The following OR5D3 variants were observed in gnomAD, a reference collection of about 807,000 sequenced individuals.
OR5D3 encodes olfactory receptor family 5 subfamily D member 3.
chr11:55,726,874 A>T, the OR5D3 span: 1 of 398,912 alleles, frequency 2.5e-6, no homozygotes, highest in East Asian at 3.6e-5. Flanking sequence ...CTATGCTTTC[A>T]TTTTTATCAC....
chr11:55,724,906 G>T, the OR5D3 span, among the ~76,000 whole-genome samples: 3,083 of 152,068 alleles, frequency 0.02, 147 homozygotes, highest in African/African-American at 0.07. Flanking sequence ...CAAGCTTGTG[G>T]GAACTAGAGA....
chr11:55,725,180 C>T, the OR5D3 span, among the ~76,000 whole-genome samples: 1 of 152,022 alleles, frequency 6.6e-6, no homozygotes, highest in Non-Finnish European at 1.5e-5. Flanking sequence ...ATGCTTTATA[C>T]TGTGTTTTAT....
chr11:55,726,411 G>C, the OR5D3 span: 47 of 474,272 alleles, frequency 9.9e-5, no homozygotes, highest in East Asian at 1.4e-3. Flanking sequence ...TCAGCCACTT[G>C]TCCTTTGTTG....
the OR5D3 span, chr11:55,727,360 G>A: frequency 5.9e-5 from 20 of 337,652 alleles, no homozygotes; most frequent in African/African-American, 4.0e-4. Flanking sequence ...CGAGAATATT[G>A]TAATACAAAA....
the OR5D3 span, chr11:55,727,721 T>C: frequency 1.3e-5 from 2 of 152,038 alleles, no homozygotes; most frequent in African/African-American, 4.8e-5. Flanking sequence ...AAGAAGATGG[T>C]AAATATTTTT....
the OR5D3 span, chr11:55,727,100 A>T: frequency 2.5e-6 from 1 of 402,086 alleles, no homozygotes; most frequent in Non-Finnish European, 4.4e-6. Flanking sequence ...AGGAACAAAG[A>T]TGTAAAAGAG....
chr11:55,725,773 T>C, the OR5D3 span, among the ~76,000 whole-genome samples: 1 of 152,070 alleles, frequency 6.6e-6, no homozygotes, highest in Non-Finnish European at 1.5e-5. Context: ...TTTACAGGAA[T>C]GTTAACATTT....
At chr11:55,724,187 G>T in the OR5D3 span, 2 of 385,882 alleles carry the variant, frequency 5.2e-6, no homozygotes, top group Non-Finnish European at 9.2e-6. Flanking sequence ...ACAAGCAGAG[G>T]ACCTATGTTG....
the OR5D3 span, chr11:55,727,344 T>C: frequency 2.7e-6 from 1 of 367,738 alleles, no homozygotes; most frequent in Non-Finnish European, 4.8e-6. Flanking sequence ...AAACTAAATT[T>C]TTGATCGAGA....
the OR5D3 span, chr11:55,723,860 T>C: frequency 2.7e-6 from 1 of 373,184 alleles, no homozygotes; most frequent in African/African-American, 2.1e-5. Flanking sequence ...ATCTCTGCTA[T>C]CTATGAGTTT....
At chr11:55,727,075 T>G in the OR5D3 span, 1 of 404,446 alleles carries the variant, frequency 2.5e-6, no homozygotes. Context: ...GCTGAACCCC[T>G]TGATCTATAG....
chr11:55,727,340 A>C, the OR5D3 span: 1 of 370,228 alleles, frequency 2.7e-6, no homozygotes, highest in Non-Finnish European at 4.8e-6. Flanking sequence ...ATTTAAACTA[A>C]ATTTTTGATC....
chr11:55,726,353 T>A, the OR5D3 span: 1 of 466,084 alleles, frequency 2.1e-6, no homozygotes, highest in Non-Finnish European at 3.9e-6. Flanking sequence ...GGCATGATCA[T>A]GGTCATCAGG....
At chr11:55,727,776 T>C in the OR5D3 span, 2 of 152,060 alleles carry the variant, frequency 1.3e-5, no homozygotes, top group Non-Finnish European at 2.9e-5. Context: ...GATGCCAATA[T>C]GATTGTGCAT....
chr11:55,724,067 AG>A, the OR5D3 span: 1 of 394,794 alleles, frequency 2.5e-6, no homozygotes, highest in South Asian at 1.3e-4. Context: ...GAGTTGATTT[AG>A]TTTTTTTAAA....
the OR5D3 span, chr11:55,724,187 G>A: frequency 9.3e-5 from 36 of 385,882 alleles, 1 homozygote; most frequent in African/African-American, 6.9e-4. Context: ...ACAAGCAGAG[G>A]ACCTATGTTG....
chr11:55,727,172 A>G, the OR5D3 span: 15 of 398,396 alleles, frequency 3.8e-5, no homozygotes, highest in Middle Eastern at 6.2e-4. Flanking sequence ...TAGAAATATT[A>G]ATTATTTATC....
the OR5D3 span, chr11:55,728,750 T>C: frequency 6.7e-6 from 1 of 148,540 alleles, no homozygotes; most frequent in Non-Finnish European, 1.5e-5. Flanking sequence ...ACTTACTGTT[T>C]AGGAATATAC....
the OR5D3 span, among the ~76,000 whole-genome samples, chr11:55,725,133 G>A: frequency 1.3e-5 from 2 of 151,922 alleles, no homozygotes; most frequent in Admixed American, 1.3e-4. Flanking sequence ...ACACTAATTA[G>A]CTATAATTCT....
Sources: gnomAD v4.1 joint callset for allele counts (sites outside exome capture counted in the v4.1 genomes callset) on GRCh38, gnomAD v4.1.1 for gene constraint, MANE v1.5 for transcripts, NCBI Gene and HGNC (gene_info 2026-07-23, HGNC 2026-07-21) for gene names.